DIAPH3: variants seen among roughly 807,000 people sequenced by gnomAD.
DIAPH3 encodes protein diaphanous homolog 3.
Under a neutral mutation model 144.3 loss-of-function variants are expected in DIAPH3, and 117 were observed. The observed-to-expected ratio is 0.81, with a 90% CI of 0.70 to 0.95. The LOEUF is 0.95. Among genes scored for constraint, DIAPH3 ranks in the 40% least tolerant of loss-of-function variants. The pLI, the probability that DIAPH3 is intolerant of heterozygous loss-of-function variation, is 0.00. For synonymous variants in DIAPH3, 519 were observed against 488.9 expected (o/e 1.06, Z -0.81); for missense variants, 1,421 against 1,412.7 (o/e 1.01, Z -0.09).
At chr13:59,769,558 CT>C (rs930569341) in intron 27 of DIAPH3, among the ~76,000 whole-genome samples, 11 of 149,724 alleles carry the variant, frequency 7.3e-5, no homozygotes, top group Admixed American at 3.3e-4. Context: ...TCCTTTTTGA[CT>C]TTTTTTTTTC....
At chr13:60,013,217 T>A in intron 7 of DIAPH3, 1 of 985,362 alleles carries the variant, frequency 1.0e-6, no homozygotes, top group Non-Finnish European at 1.2e-6. Context: ...TCCGCCTGCA[T>A]TCCACATGAG....
At chr13:59,858,417 T>A (rs967479018) in intron 22 of DIAPH3, among the ~76,000 whole-genome samples, 7 of 152,066 alleles carry the variant, frequency 4.6e-5, no homozygotes, top group Non-Finnish European at 8.8e-5. Context: ...AATCACTCAA[T>A]AAAGGCTTGT....
chr13:59,714,450 G>A (rs1043414265), intron 27 of DIAPH3, among the ~76,000 whole-genome samples: 8 of 151,764 alleles, frequency 5.3e-5, no homozygotes, highest in African/African-American at 1.9e-4. Flanking sequence ...TGGAAGGATT[G>A]TATGAGCTCA....
At chr13:60,120,994 AT>A (rs1225375108) in intron 2 of DIAPH3, among the ~76,000 whole-genome samples, 1 of 152,236 alleles carries the variant, frequency 6.6e-6, no homozygotes, top group African/African-American at 2.4e-5. Flanking sequence ...TGCCTAAAAT[AT>A]ATACGAACTA....
rs1215943721 is a variant in DIAPH3 at position 59,970,911 on chromosome 13, A to G, written c.1900T>C (p.Leu634=). The change falls in exon 16 of 28, where the codon TTG becomes CTG. Residue 634 remains leucine (L), a synonymous_variant. Transcript: ENST00000400324. ...GGTTTAAATTCTTTCTTTGGTTTCA[A>G]CCCAAATGGCAGGATTGGTAGAGGA... ...SPPLPILPFG[L]KPKKEFKPEI... 1 of 1,613,880 alleles carries G rather than the reference A, an allele frequency of 6.2e-7. No individual in the cohort carries two copies. Among genetic ancestry groups the G allele is most frequent in the Non-Finnish European group, 8.5e-7 (1 of 1,179,962 alleles).
chr13:59,993,817 G>A (rs550931489), intron 9 of DIAPH3, among the ~76,000 whole-genome samples: 1 of 149,926 alleles, frequency 6.7e-6, no homozygotes, highest in African/African-American at 2.5e-5. Flanking sequence ...CCACCCCCTT[G>A]CCAGTCATTA....
chr13:59,771,701 G>T (rs1425902683), intron 27 of DIAPH3, among the ~76,000 whole-genome samples: 2 of 152,132 alleles, frequency 1.3e-5, no homozygotes, highest in East Asian at 1.9e-4. Context: ...GGATAGGCAT[G>T]CATTCAAAAT....
At chr13:59,760,491 G>A (rs1238368246) in intron 27 of DIAPH3, among the ~76,000 whole-genome samples, 1 of 152,274 alleles carries the variant, frequency 6.6e-6, no homozygotes, top group East Asian at 1.9e-4. Context: ...TGGCTTGTCA[G>A]AGCTAAAATA....
At chr13:60,129,497 C>T (rs1262070699) in intron 2 of DIAPH3, among the ~76,000 whole-genome samples, 1 of 152,110 alleles carries the variant, frequency 6.6e-6, no homozygotes, top group African/African-American at 2.4e-5. Flanking sequence ...CAAGAAATAA[C>T]CTTAAAACAT....
At chr13:59,808,348 G>A (rs2040298619) in intron 25 of DIAPH3, among the ~76,000 whole-genome samples, 1 of 151,730 alleles carries the variant, frequency 6.6e-6, no homozygotes, top group African/African-American at 2.4e-5. Context: ...CTTTTTAAAA[G>A]TCCAACTTTA....
chr13:59,695,116 G>C (rs1273938247), intron 27 of DIAPH3: 1 of 152,154 alleles, frequency 6.6e-6, no homozygotes, highest in Non-Finnish European at 1.5e-5. Context: ...TAGGTTACTA[G>C]TTAGGCTTCA....
intron 27 of DIAPH3, among the ~76,000 whole-genome samples, chr13:59,732,895 A>T (rs1363381646): frequency 6.6e-6 from 1 of 152,188 alleles, no homozygotes; most frequent in African/African-American, 2.4e-5. Context: ...TTTTAGTGGA[A>T]AAAGTAGAAA....
intron 4 of DIAPH3, among the ~76,000 whole-genome samples, chr13:60,055,915 G>A (rs2056541003): frequency 6.6e-6 from 1 of 151,614 alleles, no homozygotes; most frequent in Admixed American, 6.6e-5. Context: ...GTTATTTTTT[G>A]TAAAGTTCTG....
intron 21 of DIAPH3, among the ~76,000 whole-genome samples, chr13:59,871,768 G>A (rs903425196): frequency 3.9e-5 from 6 of 152,136 alleles, no homozygotes; most frequent in African/African-American, 1.4e-4. Context: ...ATTCATTATT[G>A]ATTCAAGTAT....
At chr13:60,141,735 T>A (rs1032957813) in intron 1 of DIAPH3, among the ~76,000 whole-genome samples, 8 of 152,226 alleles carry the variant, frequency 5.3e-5, no homozygotes, top group African/African-American at 1.7e-4. Context: ...AAAGAACTTA[T>A]CTTTATTGGG....
chr13:60,049,661 A>ATTACTACTTATTAT (rs1298034897), intron 4 of DIAPH3, among the ~76,000 whole-genome samples: 1 of 152,182 alleles, frequency 6.6e-6, no homozygotes, highest in Non-Finnish European at 1.5e-5. Flanking sequence ...AATAACTTTC[A>ATTACTACTTATTAT]TTACTACTTA....
At chr13:59,682,632 T>C (rs188208013) in intron 27 of DIAPH3, among the ~76,000 whole-genome samples, 4 of 152,338 alleles carry the variant, frequency 2.6e-5, no homozygotes, top group Admixed American at 2.6e-4. Context: ...CAGAAAACTC[T>C]ATATAAAATA....
At chr13:60,026,243 T>A (rs1285365557) in intron 5 of DIAPH3, among the ~76,000 whole-genome samples, 1 of 152,056 alleles carries the variant, frequency 6.6e-6, no homozygotes, top group Non-Finnish European at 1.5e-5. Context: ...TTTATATAAT[T>A]AATATTATAT....
At chr13:59,839,938 C>T (rs538181667) in intron 22 of DIAPH3, among the ~76,000 whole-genome samples, 1 of 152,124 alleles carries the variant, frequency 6.6e-6, no homozygotes, top group African/African-American at 2.4e-5. Flanking sequence ...CTTATAATGA[C>T]AAATGTCAAG....
Sources: gnomAD v4.1 joint callset for allele counts (sites outside exome capture counted in the v4.1 genomes callset) on GRCh38, gnomAD v4.1.1 for gene constraint, MANE v1.5 for transcripts, NCBI Gene and HGNC (gene_info 2026-07-23, HGNC 2026-07-21) for gene names.